Variants in RYR2 observed in about 807,000 individuals in gnomAD.
The protein encoded by RYR2 is ryanodine receptor 2, also known as cardiac muscle ryanodine receptor-calcium release channel.
A neutral mutation model predicts 601.1 loss-of-function variants in RYR2; 227 were observed. The ratio of observed to expected loss-of-function variants is 0.38; its 90% confidence interval spans 0.34 to 0.42. RYR2 has a LOEUF of 0.42. RYR2 is among the 10% of genes least tolerant of loss of function. The pLI is 1.00. For synonymous variants in RYR2, 2,223 were observed against 2,175.1 expected, an observed-to-expected ratio of 1.02 and a Z score of -0.61; for missense variants, 4,646 against 6,156.5, an observed-to-expected ratio of 0.75 and a Z score of 8.21.
At chr1:237,520,156 T>C (rs1284534853) in intron 24 of RYR2, among the ~76,000 whole-genome samples, 2 of 152,236 alleles carry the variant, frequency 1.3e-5, no homozygotes, top group African/African-American at 4.8e-5. Flanking sequence ...ACATTGATTT[T>C]ACATGCTGCA....
At chr1:237,296,991 AT>A (rs962600875) in intron 2 of RYR2, among the ~76,000 whole-genome samples, 1 of 152,208 alleles carries the variant, frequency 6.6e-6, no homozygotes, top group African/African-American at 2.4e-5. Flanking sequence ...TGGTAACTCT[AT>A]TTTGTTGCTG....
intron 2 of RYR2, among the ~76,000 whole-genome samples, chr1:237,302,318 T>A (rs553989187): frequency 6.6e-6 from 1 of 152,212 alleles, no homozygotes; most frequent in Non-Finnish European, 1.5e-5. Flanking sequence ...ACATAAGTCT[T>A]TAATGTGATA....
rs185594925 is a variant in RYR2, at chr1:237,766,017, G to T, written c.11477-4790G>T. ...CGTGTAGTCTGAATTAGGAATCAAG[G>T]GGGTGGATAAGGAAGGCAAAGACAT... On this transcript the variant is annotated intron_variant, in intron 84 of 104. Coordinates refer to ENST00000366574, the MANE Select transcript of RYR2 (RefSeq NM_001035.3). 3.5e-3 allele frequency among the ~76,000 whole-genome samples: 538 copies of T among 152,260 alleles called. 2 individuals carry two copies. Among genetic ancestry groups the T allele is most frequent in the Non-Finnish European group, 6.1e-3 (416 of 68,020 alleles).
chr1:237,811,048 A>G (rs926946499), intron 100 of RYR2, among the ~76,000 whole-genome samples: 5 of 151,782 alleles, frequency 3.3e-5, no homozygotes, highest in Non-Finnish European at 7.4e-5. Flanking sequence ...TATAGACTTT[A>G]CTCCTGTCTG....
chr1:237,123,699 C>T (rs990377532), intron 1 of RYR2, among the ~76,000 whole-genome samples: 15 of 128,390 alleles, frequency 1.2e-4, no homozygotes, highest in African/African-American at 4.0e-4. Context: ...CTCGCTCTGT[C>T]GCCCAGGCCG....
chr1:237,523,514 C>T (rs772890015), intron 24 of RYR2, among the ~76,000 whole-genome samples: 4 of 152,118 alleles, frequency 2.6e-5, no homozygotes, highest in Non-Finnish European at 5.9e-5. Flanking sequence ...TTGGGTGGCT[C>T]ACTTGAGGTC....
intron 1 of RYR2, among the ~76,000 whole-genome samples, chr1:237,211,610 C>G (rs1382906590): frequency 6.6e-6 from 1 of 152,198 alleles, no homozygotes; most frequent in Non-Finnish European, 1.5e-5. Context: ...GAATCATCTA[C>G]TTTCCAGAAG....
intron 87 of RYR2, among the ~76,000 whole-genome samples, chr1:237,776,652 T>TCG (rs1694683490): frequency 1.3e-5 from 2 of 151,948 alleles, no homozygotes; most frequent in Admixed American, 1.3e-4. Context: ...TCTCTCTCTC[T>TCG]CTCTCTCTTT....
At chr1:237,683,755 C>G (rs1250394253) in intron 62 of RYR2, among the ~76,000 whole-genome samples, 1 of 152,082 alleles carries the variant, frequency 6.6e-6, no homozygotes, top group Non-Finnish European at 1.5e-5. Flanking sequence ...ATGATCAGAG[C>G]TTCCCTCTGA....
chr1:237,723,136 T>C lies in RYR2; in HGVS notation c.10563T>C (p.Asp3521=). The change falls in exon 74 of 105, where the codon GAT becomes GAC. Residue 3521 remains aspartate, a synonymous_variant. Coordinates refer to ENST00000366574, the MANE Select transcript of RYR2 (RefSeq NM_001035.3). ...SNIHLQGKLE[D]PAIRWQMALY... is the part of the protein sequence containing the mutation. Reference sequence around the variant, plus strand: ...TTTCCTTTTTTCTGCAGTTGGAGGATCCTGCTATTAGATGGCAAATGGCTC... The same window carrying C: ...TTTCCTTTTTTCTGCAGTTGGAGGACCCTGCTATTAGATGGCAAATGGCTC... 6.2e-7 allele frequency: 1 copy of C among 1,606,972 alleles called. No individual in the cohort carries two copies. Among genetic ancestry groups the C allele is most frequent in the Non-Finnish European group, 8.5e-7 (1 of 1,177,886 alleles).
At position 237,197,226 on chromosome 1, in the gene RYR2, C is replaced by T. The variant is rs1680671648; in HGVS notation, c.49-73271C>T. On this transcript the variant is annotated intron_variant, in intron 1 of 104. Coordinates refer to ENST00000366574, the MANE Select transcript of RYR2 (RefSeq NM_001035.3). ...GTAATCCTCATACCTTTTTTATTGTCGTTTCATTGCACTAGCTCATACCTT... is the reference window on the plus strand; with the variant it reads ...GTAATCCTCATACCTTTTTTATTGTTGTTTCATTGCACTAGCTCATACCTT... 2.0e-5 allele frequency among the ~76,000 whole-genome samples: 3 copies of T among 152,018 alleles called. No homozygotes were observed. The South Asian group carries it at 6.2e-4, about 32-fold the overall frequency.
intron 1 of RYR2, among the ~76,000 whole-genome samples, chr1:237,122,111 T>C (rs1180107980): frequency 6.6e-6 from 1 of 152,164 alleles, no homozygotes; most frequent in Non-Finnish European, 1.5e-5. Context: ...TTGTGGAAAA[T>C]GTAGAGTTAC....
intron 3 of RYR2, among the ~76,000 whole-genome samples, chr1:237,353,381 C>T (rs796221865): frequency 7.2e-4 from 109 of 151,916 alleles, no homozygotes; most frequent in African/African-American, 2.4e-3. Flanking sequence ...TGGTGGCGGG[C>T]ACCTGTAATC....
chr1:237,127,393 G>A (rs1476632983), intron 1 of RYR2, among the ~76,000 whole-genome samples: 1 of 150,344 alleles, frequency 6.7e-6, no homozygotes, highest in Non-Finnish European at 1.5e-5. Context: ...TCCCGGACGG[G>A]GCGGCTGGCC....
intron 26 of RYR2, 97 bp downstream of exon 26, chr1:237,548,687 T>A: frequency 1.4e-6 from 2 of 1,423,766 alleles, no homozygotes; most frequent in Non-Finnish European, 9.6e-7. Flanking sequence ...TTAAAACTTG[T>A]ATCATATAGA....
intron 1 of RYR2, among the ~76,000 whole-genome samples, chr1:237,093,513 G>A (rs568144754): frequency 1.9e-3 from 291 of 152,300 alleles, no homozygotes; most frequent in African/African-American, 6.8e-3. Flanking sequence ...CTGCAAGAGA[G>A]TCCAGGCTGA....
At chr1:237,375,016 A>G (rs1258424331) in intron 7 of RYR2, among the ~76,000 whole-genome samples, 1 of 152,188 alleles carries the variant, frequency 6.6e-6, no homozygotes, top group African/African-American at 2.4e-5. Context: ...TTCAAACCTT[A>G]TTCTTCTTGT....
intron 1 of RYR2, among the ~76,000 whole-genome samples, chr1:237,268,611 G>A (rs917874143): frequency 4.6e-5 from 7 of 152,068 alleles, no homozygotes; most frequent in South Asian, 4.1e-4. Flanking sequence ...TATAAGCTAC[G>A]CTATTAAATA....
chr1:237,669,299 A>G (rs1197953861), intron 58 of RYR2, among the ~76,000 whole-genome samples: 1 of 152,176 alleles, frequency 6.6e-6, no homozygotes, highest in Non-Finnish European at 1.5e-5. Flanking sequence ...CACGGCAACC[A>G]TCTGATTTCT....
Sources: allele counts gnomAD v4.1 joint callset (sites outside exome capture counted in the v4.1 genomes callset), GRCh38; gene constraint gnomAD v4.1.1; transcripts MANE v1.5; gene names NCBI Gene and HGNC (gene_info 2026-07-23, HGNC 2026-07-21).